Variants in SNX29 observed in about 807,000 individuals in gnomAD.
SNX29 encodes the protein sorting nexin-29.
A neutral mutation model predicts 102.1 loss-of-function variants in SNX29; 78 were observed. The ratio of observed to expected loss-of-function variants is 0.76; its 90% CI spans 0.64 to 0.92. The LOEUF (loss-of-function observed/expected upper bound fraction) is 0.92, where lower values mean the gene tolerates loss of function less well. SNX29 is among the 40% of genes least tolerant of loss of function. The pLI is 0.00. For missense variants in SNX29, 1,280 were observed against 1,061.7 expected, an observed-to-expected ratio of 1.21 and a Z score of -2.86; for synonymous variants, 580 against 414.5, an observed-to-expected ratio of 1.40 and a Z score of -4.85.
intron 13 of SNX29, among the ~76,000 whole-genome samples, chr16:12,198,428 G>A (rs1044866745): frequency 6.6e-6 from 1 of 152,088 alleles, no homozygotes; most frequent in African/African-American, 2.4e-5. Flanking sequence ...TCTTAAATGT[G>A]TTCTGATGGA....
intron 15 of SNX29, among the ~76,000 whole-genome samples, chr16:12,305,266 TG>T (rs1241140667): frequency 6.6e-6 from 1 of 152,242 alleles, no homozygotes; most frequent in African/African-American, 2.4e-5. Flanking sequence ...TGACAAGTCT[TG>T]GCAGAGGTGT....
chr16:12,556,584 A>C (rs377760429), intron 20 of SNX29: 3 of 152,256 alleles, frequency 2.0e-5, no homozygotes, highest in Non-Finnish European at 4.4e-5. Context: ...GTGGGAAGCT[A>C]TGGAAGGGTT....
chr16:12,234,047 A>C (rs771682721), intron 14 of SNX29, among the ~76,000 whole-genome samples: 3 of 152,178 alleles, frequency 2.0e-5, no homozygotes, highest in African/African-American at 7.2e-5. Context: ...GTGATAAATA[A>C]TGTTGCAATG....
chr16:12,249,789 G>A lies in SNX29; in HGVS notation c.1679-28144G>A, dbSNP rs576480105. On this transcript the variant is annotated intron_variant, in intron 14 of 20. Transcript: ENST00000566228. ...TTGGTGCATAGGGAACACTGTATAC[G>A]CTACTGGGTGACCAAAACCCACCTG... Among the ~76,000 whole-genome samples, 19 of 152,314 alleles carry A rather than the reference G, an allele frequency of 1.2e-4. No individual in the cohort carries two copies. In the South Asian group the frequency reaches 3.9e-3, roughly 32 times the overall value.
chr16:12,552,474 A>G (rs1322497867), intron 20 of SNX29, among the ~76,000 whole-genome samples: 1 of 152,192 alleles, frequency 6.6e-6, no homozygotes, highest in Non-Finnish European at 1.5e-5. Flanking sequence ...TCATCACCCA[A>G]CGATTGGGCC....
intron 9 of SNX29, among the ~76,000 whole-genome samples, chr16:12,061,926 C>T (rs1412188005): frequency 6.6e-6 from 1 of 152,178 alleles, no homozygotes; most frequent in Non-Finnish European, 1.5e-5. Context: ...TTCTCCCTTA[C>T]CAGTGGCCCG....
chr16:12,549,510 C>A (rs2077827493), intron 20 of SNX29, among the ~76,000 whole-genome samples: 1 of 152,046 alleles, frequency 6.6e-6, no homozygotes. Context: ...GATGTTCATG[C>A]CATTTTTCAT....
chr16:12,502,510 C>T (rs1304295335), intron 19 of SNX29, among the ~76,000 whole-genome samples: 1 of 152,116 alleles, frequency 6.6e-6, no homozygotes, highest in African/African-American at 2.4e-5. Flanking sequence ...CCCCCCAACT[C>T]TGACTCTCAT....
chr16:12,440,865 C>A (rs955588496), intron 18 of SNX29, among the ~76,000 whole-genome samples: 13 of 152,114 alleles, frequency 8.5e-5, no homozygotes, highest in African/African-American at 3.1e-4. Flanking sequence ...GTGGATTCCA[C>A]GTCTTTGCTA....
At chr16:12,089,058 C>T (rs2052364114) in intron 11 of SNX29, among the ~76,000 whole-genome samples, 1 of 149,408 alleles carries the variant, frequency 6.7e-6, no homozygotes, top group African/African-American at 2.5e-5. Flanking sequence ...TGCATTACAG[C>T]CTAGGAGGCA....
Position 12,569,376 on chromosome 16 carries a change from G to C in SNX29, c.*747G>C, listed in dbSNP as rs1156861814. ...GCCAGGCTTGGAGTGGGGGGACTCA[G>C]ACATCTGGCCCAGCCATCAGCAGCA... is the stretch of plus-strand genomic sequence containing the variant. On this transcript the variant is annotated 3_prime_UTR_variant, in exon 21 of 21. Transcript: ENST00000566228. 8.7e-6 allele frequency: 2 copies of C among 230,492 alleles called. No homozygotes were observed. The highest frequency in any genetic ancestry group is 1.7e-5 in the Non-Finnish European group (2 of 116,460). The allele number at this position is 230,492 out of a possible 1,614,324, so 14.3% of individuals were successfully genotyped here.
chr16:12,472,995 G>A (rs1022273551), intron 18 of SNX29, among the ~76,000 whole-genome samples: 2 of 152,106 alleles, frequency 1.3e-5, no homozygotes, highest in South Asian at 4.1e-4. Flanking sequence ...ACTTGGTTGT[G>A]TCAGAAGAGG....
chr16:12,476,417 T>TATATATATATATATATAC (rs2087635464), intron 18 of SNX29, among the ~76,000 whole-genome samples: 4 of 23,960 alleles, frequency 1.7e-4, no homozygotes, highest in African/African-American at 6.9e-4. Context: ...TATATACATA[T>TATATATATATATATATAC]ATATATATAT....
chr16:12,529,192 CT>C (rs956497393), intron 20 of SNX29, among the ~76,000 whole-genome samples: 7 of 152,134 alleles, frequency 4.6e-5, no homozygotes, highest in African/African-American at 1.7e-4. Context: ...TGGGGCATTT[CT>C]TTTCTATTTT....
intron 16 of SNX29, chr16:12,373,628 G>A (rs1243499974): frequency 1.3e-5 from 2 of 151,774 alleles, no homozygotes; most frequent in Non-Finnish European, 2.9e-5. Flanking sequence ...TTGTTTATTT[G>A]CTCTCTCCTT....
intron 20 of SNX29, among the ~76,000 whole-genome samples, chr16:12,539,738 C>T (rs780506909): frequency 1.4e-4 from 22 of 152,306 alleles, no homozygotes; most frequent in Middle Eastern, 3.4e-3. Flanking sequence ...CACAAGGATG[C>T]AGAATATTTC....
At chr16:12,528,378 A>G (rs775703540) in intron 20 of SNX29, among the ~76,000 whole-genome samples, 21 of 151,630 alleles carry the variant, frequency 1.4e-4, no homozygotes, top group Non-Finnish European at 2.8e-4. Flanking sequence ...TGTATTTTTT[A>G]TAGTAGAGAT....
chr16:12,267,626 A>T (rs1006939465), intron 14 of SNX29, among the ~76,000 whole-genome samples: 1 of 152,216 alleles, frequency 6.6e-6, no homozygotes, highest in African/African-American at 2.4e-5. Context: ...ATGTGTGCTC[A>T]GCTGTTGACC....
chr16:12,249,376 A>G (rs2078356221), intron 14 of SNX29, among the ~76,000 whole-genome samples: 1 of 152,198 alleles, frequency 6.6e-6, no homozygotes, highest in Non-Finnish European at 1.5e-5. Context: ...AACATCCTGA[A>G]AGACAAGCCC....
Sources: allele counts gnomAD v4.1 joint callset (sites outside exome capture counted in the v4.1 genomes callset), GRCh38; gene constraint gnomAD v4.1.1; transcripts MANE v1.5; gene names NCBI Gene and HGNC (gene_info 2026-07-23, HGNC 2026-07-21).